The following PARM1 variants were observed in gnomAD, a reference collection of about 807,000 sequenced individuals.
PARM1 encodes WSC4, cell wall integrity and stress response component 4 homolog.
Under a neutral mutation model 24.6 loss-of-function variants are expected in PARM1, and 14 were observed. The observed-to-expected ratio is 0.57, with a 90% CI of 0.38 to 0.89. The LOEUF is 0.89. Ranked by LOEUF, PARM1 falls within the 40% of genes least tolerant of loss-of-function variation. The pLI is 0.00. For synonymous variants in PARM1, 179 were observed against 156.6 expected (o/e 1.14, Z -1.07); for missense variants, 362 against 380.4 (o/e 0.95, Z 0.40).
At chr4:74,996,683 G>C (rs1722581318) in intron 1 of PARM1, among the ~76,000 whole-genome samples, 1 of 152,146 alleles carries the variant, frequency 6.6e-6, no homozygotes, top group Non-Finnish European at 1.5e-5. Flanking sequence ...GAATTTTGCT[G>C]TTCTCCCTTT....
At chr4:74,975,911 T>C (rs754815501) in intron 1 of PARM1, among the ~76,000 whole-genome samples, 1 of 152,144 alleles carries the variant, frequency 6.6e-6, no homozygotes, top group East Asian at 1.9e-4. Context: ...GTTTTTCTCA[T>C]TGGGACCAAC....
chr4:75,027,386 C>T (rs1203644298), intron 2 of PARM1, among the ~76,000 whole-genome samples: 2 of 151,938 alleles, frequency 1.3e-5, no homozygotes, highest in East Asian at 1.9e-4. Flanking sequence ...GATGTGCTTC[C>T]CCTGGCATGG....
In PARM1 at chr4:75,025,121, T is replaced by C. The variant is rs151017933; in HGVS notation, c.770-8762T>C. ...TCTCTCTCATTGTTCATGGAGATGC[T>C]GGCACCTACTGAGCAAGACGGTGGC... On this transcript the variant is annotated intron_variant, in intron 2 of 3. Transcript: ENST00000307428. Among the ~76,000 whole-genome samples the C allele has an allele frequency of 1.3e-3, 193 of 152,356 alleles. 3 individuals are homozygous for C. Among genetic ancestry groups the C allele is most frequent in the East Asian group, 5.8e-4 (3 of 5,192 alleles).
chr4:74,976,311 A>G (rs1334697356), intron 1 of PARM1, among the ~76,000 whole-genome samples: 1 of 152,216 alleles, frequency 6.6e-6, no homozygotes, highest in African/African-American at 2.4e-5. Context: ...GAATTCCCAC[A>G]GTGCAGTACA....
intron 1 of PARM1, among the ~76,000 whole-genome samples, chr4:74,995,303 G>T (rs1476155396): frequency 1.3e-5 from 2 of 152,130 alleles, no homozygotes; most frequent in African/African-American, 4.8e-5. Flanking sequence ...GATTTAAGAG[G>T]CCATCATGGG....
intron 1 of PARM1, chr4:74,970,396 G>A (rs1489990575): frequency 2.6e-5 from 4 of 152,192 alleles, no homozygotes; most frequent in Non-Finnish European, 5.9e-5. Flanking sequence ...CGGCTCACAT[G>A]TCAGCCGCCA....
chr4:74,971,235 A>G (rs1436998504), intron 1 of PARM1, among the ~76,000 whole-genome samples: 2 of 152,228 alleles, frequency 1.3e-5, no homozygotes, highest in Non-Finnish European at 2.9e-5. Context: ...CATGTCCTAC[A>G]TGATGGTAAG....
chr4:74,942,553 A>G (rs550382949), intron 1 of PARM1, among the ~76,000 whole-genome samples: 2 of 152,344 alleles, frequency 1.3e-5, no homozygotes, highest in Admixed American at 6.5e-5. Flanking sequence ...CCACCTTTCT[A>G]TTTGCTCAGA....
chr4:75,006,674 G>C (rs1211914872), intron 1 of PARM1, among the ~76,000 whole-genome samples: 1 of 152,052 alleles, frequency 6.6e-6, no homozygotes, highest in East Asian at 1.9e-4. Context: ...GGGATGGCTG[G>C]GTCAAATAGT....
chr4:74,964,577 A>ACACACACACACACACACACACT (rs377411929), intron 1 of PARM1, among the ~76,000 whole-genome samples: 9 of 152,044 alleles, frequency 5.9e-5, no homozygotes, highest in African/African-American at 1.9e-4. Flanking sequence ...ACACACACAC[A>ACACACACACACACACACACACT]CATTGCATCC....
intron 1 of PARM1, among the ~76,000 whole-genome samples, chr4:74,987,649 T>G (rs1278216282): frequency 2.0e-5 from 3 of 152,260 alleles, no homozygotes; most frequent in African/African-American, 7.2e-5. Flanking sequence ...TTTTGAAGTT[T>G]TAAAGTTTGC....
chr4:75,032,869 G>A (rs1560798513), intron 2 of PARM1, among the ~76,000 whole-genome samples: 1 of 152,150 alleles, frequency 6.6e-6, no homozygotes, highest in Non-Finnish European at 1.5e-5. Context: ...GCCTAAAAGA[G>A]TAAATGGAGT....
chr4:75,045,366 C>T (rs1723580540), intron 3 of PARM1, among the ~76,000 whole-genome samples: 1 of 152,202 alleles, frequency 6.6e-6, no homozygotes, highest in African/African-American at 2.4e-5. Flanking sequence ...AGATGAGGAT[C>T]CATTCAAAGG....
intron 1 of PARM1, among the ~76,000 whole-genome samples, chr4:74,949,012 ACT>A (rs1490694076): frequency 1.3e-5 from 2 of 151,788 alleles, no homozygotes; most frequent in Admixed American, 1.3e-4. Flanking sequence ...ACAGAGCGAG[ACT>A]CTGTCTCAAA....
chr4:74,967,033 C>T (rs1292650389), intron 1 of PARM1: 1 of 152,166 alleles, frequency 6.6e-6, no homozygotes. Flanking sequence ...GTCAAAAGAT[C>T]CTTATCCAGG....
intron 1 of PARM1, among the ~76,000 whole-genome samples, chr4:74,982,544 T>C (rs1317624436): frequency 6.6e-6 from 1 of 152,194 alleles, no homozygotes; most frequent in African/African-American, 2.4e-5. Context: ...CAAACTTTTT[T>C]AGTAGCAACT....
At chr4:75,003,717 A>G (rs972096165) in intron 1 of PARM1, among the ~76,000 whole-genome samples, 2 of 152,226 alleles carry the variant, frequency 1.3e-5, no homozygotes, top group African/African-American at 4.8e-5. Context: ...TGTAGATGTT[A>G]GATGAGCCTT....
chr4:74,963,025 T>C (rs1721810971), intron 1 of PARM1, among the ~76,000 whole-genome samples: 1 of 152,226 alleles, frequency 6.6e-6, no homozygotes, highest in African/African-American at 2.4e-5. Flanking sequence ...ATCTGATGGT[T>C]TTATAAGCGT....
At chr4:74,959,199 A>G (rs904071595) in intron 1 of PARM1, among the ~76,000 whole-genome samples, 2 of 152,216 alleles carry the variant, frequency 1.3e-5, no homozygotes, top group African/African-American at 4.8e-5. Context: ...AGATTTATAA[A>G]ATCATAAAAT....
Sources: allele counts gnomAD v4.1 joint callset (sites outside exome capture counted in the v4.1 genomes callset), GRCh38; gene constraint gnomAD v4.1.1; transcripts MANE v1.5; gene names NCBI Gene and HGNC (gene_info 2026-07-23, HGNC 2026-07-21).